LRRC63: variants seen among roughly 807,000 people sequenced by gnomAD.
The protein encoded by LRRC63 is leucine rich repeat containing 63, also known as leucine-rich repeat-containing protein 63.
Under a neutral mutation model 49.5 loss-of-function variants are expected in LRRC63, and 40 were observed. The ratio of observed to expected loss-of-function variants is 0.81; its 90% CI spans 0.63 to 1.05. The LOEUF is 1.05. Among genes scored for constraint, LRRC63 ranks in the 50% least tolerant of loss-of-function variants. The pLI, the probability that LRRC63 is intolerant of heterozygous loss-of-function variation, is 0.00. For missense variants in LRRC63, 636 were observed against 663.1 expected (o/e 0.96, Z 0.45); for synonymous variants, 191 against 221.1 (o/e 0.86, Z 1.21).
chr13:46,271,033 T>TAA (rs1319553739), intron 9 of LRRC63, among the ~76,000 whole-genome samples: 1 of 152,226 alleles, frequency 6.6e-6, no homozygotes, highest in Non-Finnish European at 1.5e-5. Context: ...AACATGGGTT[T>TAA]AAACTGTTAG....
At chr13:46,213,231 GTTT>G (rs1355150861) in intron 2 of LRRC63, 112 bp downstream of exon 2, 2 of 654,132 alleles carry the variant, frequency 3.1e-6, no homozygotes, top group African/African-American at 1.8e-5. Context: ...ACTTACAAAT[GTTT>G]GTTGTCAGGT....
At chr13:46,276,749 T>A in exon 10 of LRRC63, 1 of 1,226,278 alleles carries the variant, frequency 8.2e-7, no homozygotes, top group Non-Finnish European at 1.0e-6. Flanking sequence ...TTGTTTTAGA[T>A]GGTAGTCCTA....
chr13:46,272,997 G>A (rs1290218131), intron 9 of LRRC63, among the ~76,000 whole-genome samples: 1 of 152,076 alleles, frequency 6.6e-6, no homozygotes, highest in African/African-American at 2.4e-5. Flanking sequence ...GGAATAAGCA[G>A]GAATCTCTGT....
intron 2 of LRRC63, among the ~76,000 whole-genome samples, chr13:46,227,025 G>C (rs2046596245): frequency 6.6e-6 from 1 of 152,200 alleles, no homozygotes; most frequent in Admixed American, 6.5e-5. Flanking sequence ...TATGGCACCT[G>C]TAACCACTAT....
chr13:46,258,605 C>G (rs1926004), intron 7 of LRRC63, among the ~76,000 whole-genome samples: 86 of 149,868 alleles, frequency 5.7e-4, no homozygotes, highest in Admixed American at 2.0e-3. Context: ...GTCAGGAGAT[C>G]GAGACCATCC....
intron 5 of LRRC63, among the ~76,000 whole-genome samples, chr13:46,244,523 G>T (rs987476417): frequency 4.1e-4 from 62 of 152,300 alleles, no homozygotes; most frequent in Non-Finnish European, 6.3e-4. Flanking sequence ...TAATCTAAGT[G>T]CTTTGGCAGG....
chr13:46,234,372 C>T lies in LRRC63; in HGVS notation c.990+23C>T, dbSNP rs746195997. 2.6e-6 allele frequency: 4 copies of T among 1,544,948 alleles called. No individual in the cohort carries two copies. In the South Asian group the frequency reaches 4.8e-5, roughly 18 times the overall value. On this transcript the variant is annotated intron_variant, in intron 5 of 9. Coordinates refer to ENST00000595396, the Ensembl canonical transcript of LRRC63. ...AAGGTATGCTAGATCTTTTTAATGA[C>T]AGTGCCCTCCTGTATTATCAATTAT...
intron 7 of LRRC63, among the ~76,000 whole-genome samples, chr13:46,260,342 A>G (rs73188832): frequency 0.013 from 2,007 of 152,324 alleles, 17 homozygotes; most frequent in Middle Eastern, 0.031. Flanking sequence ...AGAGATGAAC[A>G]CTGAATTGAA....
rs1378541952 is a variant in LRRC63, at chr13:46,221,220, G to A, written c.86-6292G>A. On this transcript the variant is annotated intron_variant, in intron 2 of 9. Coordinates refer to ENST00000595396, the Ensembl canonical transcript of LRRC63. ...ATCAAAGAAGGATGGATTGCATAGGGTTTAAGGTAGACTTTGAAAGAAAAA... is the reference window on the plus strand; with the variant it reads ...ATCAAAGAAGGATGGATTGCATAGGATTTAAGGTAGACTTTGAAAGAAAAA... Among the ~76,000 whole-genome samples, 6 of 152,296 alleles carry A rather than the reference G, an allele frequency of 3.9e-5. No individual in the cohort carries two copies. In the South Asian group the frequency reaches 1.2e-3, roughly 32 times the overall value.
chr13:46,276,698 C>T, exon 10 of LRRC63: 1 of 1,229,552 alleles, frequency 8.1e-7, no homozygotes, highest in East Asian at 3.2e-5. Context: ...TGTTTTATGT[C>T]TGTTCTCCTT....
exon 10 of LRRC63, chr13:46,276,826 GTGTATATATATA>G (rs1293575739): frequency 2.4e-5 from 4 of 165,324 alleles, no homozygotes; most frequent in South Asian, 2.4e-4. Flanking sequence ...TCGTATGTGT[GTGTATATATATA>G]TATATATATA....
At chr13:46,271,369 C>T (rs1289320181) in intron 9 of LRRC63, among the ~76,000 whole-genome samples, 1 of 152,158 alleles carries the variant, frequency 6.6e-6, no homozygotes, top group Non-Finnish European at 1.5e-5. Flanking sequence ...AAAGTCTAGT[C>T]CCAGCCCATC....
chr13:46,263,961 G>C (rs2047649051), intron 8 of LRRC63, among the ~76,000 whole-genome samples: 1 of 152,112 alleles, frequency 6.6e-6, no homozygotes, highest in Non-Finnish European at 1.5e-5. Flanking sequence ...GGAATACATA[G>C]GTAATTTTTT....
chr13:46,268,712 C>T (rs1308967286), intron 9 of LRRC63, among the ~76,000 whole-genome samples: 1 of 151,492 alleles, frequency 6.6e-6, no homozygotes, highest in Non-Finnish European at 1.5e-5. Context: ...AAGGAAGTTG[C>T]AAAGGATGTA....
chr13:46,255,729 G>A (rs1440784263), intron 7 of LRRC63, among the ~76,000 whole-genome samples: 1 of 148,816 alleles, frequency 6.7e-6, no homozygotes, highest in East Asian at 2.0e-4. Context: ...AAAATTTTTA[G>A]GTATAATTTA....
intron 9 of LRRC63, among the ~76,000 whole-genome samples, chr13:46,272,982 A>G (rs2047780752): frequency 6.6e-6 from 1 of 152,210 alleles, no homozygotes; most frequent in South Asian, 2.1e-4. Context: ...CAGTGATTGA[A>G]GAGAGGAATA....
intron 4 of LRRC63, among the ~76,000 whole-genome samples, chr13:46,229,950 G>A (rs904415672): frequency 5.3e-5 from 8 of 152,050 alleles, no homozygotes; most frequent in Non-Finnish European, 7.4e-5. Context: ...GATGAGAGCG[G>A]GAGCAAGAGA....
chr13:46,216,547 A>G (rs1215969390), intron 2 of LRRC63, among the ~76,000 whole-genome samples: 1 of 152,218 alleles, frequency 6.6e-6, no homozygotes, highest in Non-Finnish European at 1.5e-5. Context: ...TAAAAATACA[A>G]TAATGTCATC....
intron 9 of LRRC63, 133 bp downstream of exon 9, chr13:46,267,105 T>G: frequency 1.2e-6 from 1 of 844,088 alleles, no homozygotes; most frequent in South Asian, 2.1e-5. Flanking sequence ...ATACACACAA[T>G]TCTTCAAATC....
Sources: gnomAD v4.1 joint callset for allele counts (sites outside exome capture counted in the v4.1 genomes callset) on GRCh38, gnomAD v4.1.1 for gene constraint, MANE v1.5 for transcripts, NCBI Gene and HGNC (gene_info 2026-07-23, HGNC 2026-07-21) for gene names.